Variants in MACF1 observed in about 807,000 individuals in gnomAD.
MACF1 encodes the protein microtubule-actin cross-linking factor 1.
MACF1 carries 193 observed loss-of-function variants against 854.8 expected under a neutral mutation model. That is an observed-to-expected ratio of 0.23 (90% confidence interval 0.20 to 0.25). MACF1 has a LOEUF of 0.25. MACF1 is among the 10% of genes least tolerant of loss of function. The pLI, the probability that MACF1 is intolerant of heterozygous loss-of-function variation, is 1.00. For missense variants in MACF1, 7,722 were observed against 8,929.1 expected (o/e 0.86, Z 5.45); for synonymous variants, 3,185 against 3,226.7 (o/e 0.99, Z 0.44).
Position 39,331,917 on chromosome 1 carries a change from G to C in MACF1, c.5329G>C (p.Asp1777His), listed in dbSNP as rs1242953146. ...TCAGCTTTTTGCTGGTGGCATAGTA[G>C]ATCCAAGAACAGGACACAGACTTAC... is the stretch of plus-strand genomic sequence containing the variant. ...EAQLFAGGIV[D>H]PRTGHRLTVE... Residue 1777 changes from aspartate to histidine, a missense_variant, in exon 37 of 101, where the codon GAT becomes CAT. By Grantham distance (81) the Asp-to-His change is moderately conservative (BLOSUM62 -1). This residue lies in a region of MACF1 where 1,531 missense variants were observed against 1,601.6 expected (regional missense o/e 0.96). Transcript: ENST00000564288. The C allele has an allele frequency of 1.2e-6, 2 of 1,614,118 alleles. No homozygotes were observed. Among genetic ancestry groups the C allele is most frequent in the Admixed American group, 1.7e-5 (1 of 60,004 alleles).
At position 39,442,506 on chromosome 1, in the gene MACF1, A is replaced by G. The variant is rs772039975; in HGVS notation, c.19043A>G (p.Asp6348Gly). 1 of 1,614,208 alleles carries G rather than the reference A, an allele frequency of 6.2e-7. No homozygotes were observed. The highest frequency in any genetic ancestry group is 1.1e-5 in the South Asian group (1 of 91,086). ...SWLTHTEELL[D>G]AQRPISGDPK... is the part of the protein sequence containing the mutation. ...CTGACTCATACCGAAGAGTTGTTAG[A>G]TGCTCAGAGACCAATAAGTGGAGAC... Residue 6348 changes from aspartate (D) to glycine (G), a missense_variant, in exon 77 of 101, where the codon GAT becomes GGT. Physicochemically the swap from Asp to Gly is moderately conservative, Grantham distance 94. Coordinates refer to ENST00000564288, the MANE Select transcript of MACF1 (RefSeq NM_001394062.1).
chr1:39,355,572 T>G (rs1647482062), intron 44 of MACF1, among the ~76,000 whole-genome samples: 1 of 143,648 alleles, frequency 7.0e-6, no homozygotes, highest in South Asian at 2.4e-4. Context: ...GTTCAAGCCA[T>G]TCTCCTCCTC....
chr1:39,452,225 A>T lies in MACF1; in HGVS notation c.20488A>T (p.Ile6830Phe). The T allele has an allele frequency of 6.2e-7, 1 of 1,614,208 alleles. No individual in the cohort carries two copies. Among genetic ancestry groups the T allele is most frequent in the Non-Finnish European group, 8.5e-7 (1 of 1,180,038 alleles). ...CCTGAAGCGGTCAGGCCGAGAGCTG[A>T]TTGAGAATAGTCGAGATGACACCAC... ...QVLKRSGREL[I>F]ENSRDDTTWV... Residue 6830 changes from isoleucine (I) to phenylalanine (F), a missense_variant, in exon 86 of 101, where the codon ATT (isoleucine) becomes TTT (phenylalanine). Coordinates refer to ENST00000564288, the MANE Select transcript of MACF1 (RefSeq NM_001394062.1).
intron 2 of MACF1, among the ~76,000 whole-genome samples, chr1:39,159,843 T>C (rs1571115539): frequency 6.6e-6 from 1 of 151,372 alleles, no homozygotes; most frequent in Non-Finnish European, 1.5e-5. Context: ...TGGGAGGGGG[T>C]AGAGGGAGGA....
rs142001499 is a variant in MACF1 at position 39,357,634 on chromosome 1, G to A, written c.11684G>A (p.Arg3895Gln). 7.7e-5 allele frequency: 125 copies of A among 1,613,994 alleles called. No individual in the cohort carries two copies. The highest frequency in any genetic ancestry group is 1.2e-4 in the Admixed American group (7 of 59,992). ...DHKEFESWLE[R>Q]SEKELENMHK... is the part of the protein sequence containing the mutation. ...AAAGAGTTTGAAAGCTGGTTGGAAC[G>A]ATCCGAGAAAGAGCTGGAGAACATG... Residue 3895 changes from arginine to glutamine, a missense_variant, in exon 45 of 101, where the codon CGA becomes CAA. Coordinates refer to ENST00000564288, the MANE Select transcript of MACF1 (RefSeq NM_001394062.1).
chr1:39,125,506 C>T (rs1278119445), intron 2 of MACF1, among the ~76,000 whole-genome samples: 2 of 152,180 alleles, frequency 1.3e-5, no homozygotes, highest in Non-Finnish European at 2.9e-5. Flanking sequence ...GTCTTTTCTT[C>T]CTTCCATTCA....
At chr1:39,476,634 T>C (rs1644889324) in intron 97 of MACF1, among the ~76,000 whole-genome samples, 1 of 152,156 alleles carries the variant, frequency 6.6e-6, no homozygotes, top group African/African-American at 2.4e-5. Context: ...GCAAAATGTT[T>C]TACAAATTGT....
chr1:39,443,467 A>C lies in MACF1; in HGVS notation c.19324A>C (p.Ile6442Leu), dbSNP rs1016277086. The change falls in exon 79 of 101, where the codon ATT becomes CTT. Residue 6442 changes from isoleucine to leucine, a missense_variant. Physicochemically the swap from Ile to Leu is conservative, Grantham distance 5 (BLOSUM62 2). Around this residue, in one of 15 missense-constraint regions of MACF1, gnomAD observed 729 missense variants for 900.5 expected, o/e 0.81. Coordinates refer to ENST00000564288, the MANE Select transcript of MACF1 (RefSeq NM_001394062.1). Reference protein sequence around the residue: ...LQQAQGFHSEIEDFLLELTRM... With the variant: ...LQQAQGFHSELEDFLLELTRM... ...AAAGGCCCAGGGCTTCCACAGTGAA[A>C]TTGAAGATTTCCTCTTGGAACTTAC... 2 of 1,613,108 alleles carry C rather than the reference A, an allele frequency of 1.2e-6. No homozygotes were observed. Among genetic ancestry groups the C allele is most frequent in the Non-Finnish European group, 1.7e-6 (2 of 1,179,734 alleles).
chr1:39,228,130 G>A (rs1644737149), intron 1 of MACF1, among the ~76,000 whole-genome samples: 1 of 152,172 alleles, frequency 6.6e-6, no homozygotes, highest in South Asian at 2.1e-4. Context: ...GGCCCATATG[G>A]TGAAACCCTG....
chr1:39,437,713 C>G (rs991638398), intron 70 of MACF1, 64 bp from the exon 71 acceptor site: 3 of 1,251,372 alleles, frequency 2.4e-6, no homozygotes, highest in African/African-American at 1.5e-5. Context: ...TCCTTATTCC[C>G]TAACACTTCT....
chr1:39,274,505 A>T (rs943383709), intron 6 of MACF1, among the ~76,000 whole-genome samples: 1 of 152,234 alleles, frequency 6.6e-6, no homozygotes, highest in Non-Finnish European at 1.5e-5. Flanking sequence ...ATTAGGAATT[A>T]TAAGTAATCT....
chr1:39,364,121 C>T (rs1339364243), intron 49 of MACF1, among the ~76,000 whole-genome samples: 1 of 152,168 alleles, frequency 6.6e-6, no homozygotes, highest in Non-Finnish European at 1.5e-5. Context: ...CACCATTTTG[C>T]ATTCCCAGCA....
chr1:39,258,968 G>A (rs2148343486), intron 6 of MACF1, among the ~76,000 whole-genome samples: 1 of 152,336 alleles, frequency 6.6e-6, no homozygotes, highest in South Asian at 2.1e-4. Flanking sequence ...GGCTAGGATT[G>A]TGTGGTGGTA....
chr1:39,280,120 A>G (rs1645514034), intron 6 of MACF1, among the ~76,000 whole-genome samples: 1 of 151,814 alleles, frequency 6.6e-6, no homozygotes, highest in South Asian at 2.1e-4. Context: ...GTGGTCTCGA[A>G]CTCCTGACCT....
intron 2 of MACF1, among the ~76,000 whole-genome samples, chr1:39,238,245 CATCTGGGG>C (rs1644881701): frequency 6.6e-6 from 1 of 152,296 alleles, no homozygotes; most frequent in Admixed American, 6.5e-5. Context: ...GCAGACTTCT[CATCTGGGG>C]ACCTGTGCCT....
In MACF1 at chr1:39,430,004, T is replaced by G; in HGVS notation, c.17066T>G (p.Leu5689Arg). 6.2e-7 allele frequency: 1 copy of G among 1,613,916 alleles called. No individual in the cohort carries two copies. Among genetic ancestry groups the G allele is most frequent in the South Asian group, 1.1e-5 (1 of 91,068 alleles). ...TGWLREVEEELATSGGQSPTG... is the reference protein window; with the variant it reads ...TGWLREVEEERATSGGQSPTG... ...TGGCTGAGGGAGGTGGAGGAGGAGC[T>G]GGCAACCAGTGGAGGACAGTCTCCC... Residue 5689 changes from leucine to arginine, a missense_variant, in exon 65 of 101, where the codon CTG becomes CGG. Transcript: ENST00000564288.
chr1:39,434,738 GTTAA>G (rs1218475433), intron 69 of MACF1, 106 bp downstream of exon 69: 4 of 904,778 alleles, frequency 4.4e-6, no homozygotes, highest in Non-Finnish European at 6.7e-6. Flanking sequence ...GTGTTACGAA[GTTAA>G]TTCTTAATCA....
At chr1:39,292,590 T>C (rs1410029685) in intron 16 of MACF1, among the ~76,000 whole-genome samples, 176 bp from the exon 17 acceptor site, 1 of 152,224 alleles carries the variant, frequency 6.6e-6, no homozygotes, top group Non-Finnish European at 1.5e-5. Flanking sequence ...GTTGCTCACT[T>C]AGTGCTGCTC....
rs761458972 is a variant in MACF1, at chr1:39,379,431, C to G, written c.13505C>G (p.Ala4502Gly). Residue 4502 changes from alanine to glycine, a missense_variant, in exon 54 of 101, where the codon GCT (alanine) becomes GGT (glycine). Around this residue, in one of 15 missense-constraint regions of MACF1, gnomAD observed 2,807 missense variants for 3,235.8 expected, o/e 0.87. Transcript: ENST00000564288. ...PTKTETVKAQ[A>G]ESNKAFLAEL... ...AAGACAGAAACAGTGAAAGCCCAAGCTGAATCTAACAAGGTACTGTGTTTA... is the reference window on the plus strand; with the variant it reads ...AAGACAGAAACAGTGAAAGCCCAAGGTGAATCTAACAAGGTACTGTGTTTA... 5.6e-6 allele frequency: 9 copies of G among 1,613,248 alleles called. No individual in the cohort carries two copies. Among genetic ancestry groups the G allele is most frequent in the Non-Finnish European group, 6.8e-6 (8 of 1,179,650 alleles).
Sources: gnomAD v4.1 joint callset for allele counts (sites outside exome capture counted in the v4.1 genomes callset) on GRCh38, gnomAD v4.1.1 for gene constraint, gnomAD v4.1.1 regional missense constraint, MANE v1.5 for transcripts, NCBI Gene and HGNC (gene_info 2026-07-23, HGNC 2026-07-21) for gene names.